DDOST: variants seen among roughly 807,000 people sequenced by gnomAD.
DDOST encodes dolichyl-diphosphooligosaccharide--protein glycosyltransferase 48 kDa subunit.
In DDOST, 25 loss-of-function variants were observed where a neutral mutation model predicts 47.6. The ratio of observed to expected loss-of-function variants is 0.53; its 90% CI spans 0.38 to 0.73. The LOEUF (loss-of-function observed/expected upper bound fraction) is 0.73, where lower values mean the gene tolerates loss of function less well. Ranked by LOEUF, DDOST falls within the 30% of genes least tolerant of loss-of-function variation. The probability of loss-of-function intolerance (pLI) is 0.00; values close to 1 mark genes in which losing one functional copy is unlikely to be tolerated. For missense variants in DDOST, 526 were observed against 573.9 expected (o/e 0.92, Z 0.85); for synonymous variants, 275 against 236.0 (o/e 1.17, Z -1.51).
rs775410757 is a variant in DDOST, at chr1:20,652,631, G to A, written c.1160C>T (p.Ser387Phe). 3 of 1,614,118 alleles carry A rather than the reference G, an allele frequency of 1.9e-6. No individual in the cohort carries two copies. Among genetic ancestry groups the A allele is most frequent in the South Asian group, 2.2e-5 (2 of 91,088 alleles). ...YNRLGYTHLY[S>F]STQVSVRPLQ... ...GTCACCTGTGCTTACCTGAGTGGAA[G>A]AGTACAGGTGTGTGTAGCCTAGCCG... Residue 387 changes from serine to phenylalanine, a missense_variant, in exon 10 of 11, where the codon TCT becomes TTT. Coordinates refer to ENST00000602624, the MANE Select transcript of DDOST (RefSeq NM_005216.5).
intron 2 of DDOST, among the ~76,000 whole-genome samples, chr1:20,658,686 C>G (rs1348228113): frequency 1.3e-5 from 2 of 152,200 alleles, no homozygotes; most frequent in East Asian, 3.9e-4. Flanking sequence ...GGTTCAAAGC[C>G]TTCGGCAGGC....
Position 20,652,635 on chromosome 1 carries a change from A to G in DDOST, c.1156T>C (p.Tyr386His). Reference sequence around the variant, plus strand: ...CCTGTGCTTACCTGAGTGGAAGAGTACAGGTGTGTGTAGCCTAGCCGGTTG... The same window carrying G: ...CCTGTGCTTACCTGAGTGGAAGAGTGCAGGTGTGTGTAGCCTAGCCGGTTG... ...DYNRLGYTHL[Y>H]SSTQVSVRPL... The change falls in exon 10 of 11, where the codon TAC (tyrosine) becomes CAC (histidine). Residue 386 changes from tyrosine to histidine, a missense_variant. Coordinates refer to ENST00000602624, the MANE Select transcript of DDOST (RefSeq NM_005216.5). 1 of 1,614,220 alleles carries G rather than the reference A, an allele frequency of 6.2e-7. No homozygotes were observed. The highest frequency in any genetic ancestry group is 1.1e-5 in the South Asian group (1 of 91,092).
chr1:20,661,025 G>A (rs752956398), intron 1 of DDOST, 34 bp from the exon 2 acceptor site: 9 of 1,535,778 alleles, frequency 5.9e-6, no homozygotes, highest in Non-Finnish European at 8.1e-6. Context: ...TGAGGAAGAC[G>A]GGACGCGAAG....
intron 3 of DDOST, 140 bp from the exon 4 acceptor site, chr1:20,655,919 C>G: frequency 1.2e-6 from 1 of 827,884 alleles, no homozygotes. Flanking sequence ...CCAGATGGAC[C>G]CCTGGACAGC....
intron 8 of DDOST, among the ~76,000 whole-genome samples, chr1:20,653,303 T>C (rs74057893): frequency 3.8e-3 from 583 of 152,334 alleles, no homozygotes; most frequent in African/African-American, 0.013. Context: ...CCATATTCGC[T>C]TTCTCTTGCC....
At position 20,655,480 on chromosome 1, in the gene DDOST, C is replaced by A; in HGVS notation, c.511G>T (p.Gly171Trp). The change falls in exon 5 of 11, where the codon GGG (glycine) becomes TGG (tryptophan). Residue 171 changes from glycine (G) to tryptophan (W), a missense_variant. Gly to Trp is a radical substitution (Grantham distance 184). Transcript: ENST00000602624. ...AGGATGGGATTTAGAGATGATTTCC[C>A]AACGATGGTTGGGGCCTTCAGCAGG... ...ENLLKAPTIV[G>W]KSSLNPILFR... 1 of 1,614,120 alleles carries A rather than the reference C, an allele frequency of 6.2e-7. No homozygotes were observed. Among genetic ancestry groups the A allele is most frequent in the Non-Finnish European group, 8.5e-7 (1 of 1,179,990 alleles).
chr1:20,654,682 A>G lies in DDOST; in HGVS notation c.577T>C (p.Leu193=). ...GAGCCCGTCAGGATGTCCAGCACCA[A>G]AGGGTTATCAGGATCGGCCACCATC... is the stretch of plus-strand genomic sequence containing the variant. ...VGMVADPDNP[L]VLDILTGSST... The change falls in exon 6 of 11, where the codon TTG becomes CTG. Residue 193 remains leucine (L), a synonymous_variant. Transcript: ENST00000602624. The G allele has an allele frequency of 6.4e-7, 1 of 1,560,540 alleles. No individual in the cohort carries two copies. Among genetic ancestry groups the G allele is most frequent in the Non-Finnish European group, 8.7e-7 (1 of 1,151,226 alleles).
At chr1:20,657,374 G>A (rs1454118793) in intron 2 of DDOST, among the ~76,000 whole-genome samples, 3 of 152,188 alleles carry the variant, frequency 2.0e-5, no homozygotes, top group African/African-American at 7.2e-5. Context: ...TCCTGGCAGC[G>A]GGGTAGAGAC....
Position 20,651,851 on chromosome 1 carries a change from G to GTCT in DDOST, c.*525_*527dup, listed in dbSNP as rs1162216918. The GTCT allele has an allele frequency of 3.0e-5, 4 of 134,096 alleles. No homozygotes were observed. Among genetic ancestry groups the GTCT allele is most frequent in the Admixed American group, 7.4e-5 (1 of 13,524 alleles). The allele number at this position is 134,096 out of a possible 1,614,324, so 8.3% of individuals were successfully genotyped here. A position where few individuals can be genotyped will look rare whatever the true frequency, so the allele number is the denominator to read the frequency against. ...TTTATTTATTTATATTTGAGACAGAGTCTTAACACTGTTGCCCAGGCTGGA... is the reference window on the plus strand; with the variant it reads ...TTTATTTATTTATATTTGAGACAGAGTCTTCTTAACACTGTTGCCCAGGCTGGA... On this transcript the variant is annotated 3_prime_UTR_variant, in exon 11 of 11. Transcript: ENST00000602624.
At chr1:20,659,287 T>G (rs921163024) in intron 2 of DDOST, among the ~76,000 whole-genome samples, 6 of 152,058 alleles carry the variant, frequency 3.9e-5, no homozygotes, top group African/African-American at 1.4e-4. Flanking sequence ...GGAAACACTG[T>G]TTTACACTCT....
intron 3 of DDOST, 23 bp downstream of exon 3, chr1:20,656,078 A>G (rs2154534296): frequency 6.3e-7 from 1 of 1,598,136 alleles, no homozygotes; most frequent in East Asian, 2.2e-5. Context: ...GGAAAGCACC[A>G]GAACCTCCCA....
In DDOST at chr1:20,661,342, G is replaced by A; in HGVS notation, c.9C>T (p.Pro3=). 3 of 1,613,172 alleles carry A rather than the reference G, an allele frequency of 1.9e-6. No individual in the cohort carries two copies. The highest frequency in any genetic ancestry group is 1.1e-5 in the South Asian group (1 of 91,050). The change falls in exon 1 of 11, where the codon CCC becomes CCT. Residue 3 remains proline (P), a synonymous_variant. Coordinates refer to ENST00000602624, the MANE Select transcript of DDOST (RefSeq NM_005216.5). The stretch of plus-strand genomic sequence containing the variant: ...GGGCCCAAGCCCGGGCCGCGGTGCT[G>A]GGCTCCATCTTCCTCCTCCTGCCGA... The part of the protein sequence containing the change: ME[P]STAARAWALF...
intron 7 of DDOST, 96 bp downstream of exon 7, chr1:20,654,125 CTT>C (rs2154534231): frequency 7.1e-7 from 1 of 1,400,456 alleles, no homozygotes; most frequent in East Asian, 2.5e-5. Context: ...GCCTCTGACA[CTT>C]TTAGCTAAAA....
intron 6 of DDOST, 103 bp from the exon 7 acceptor site, chr1:20,654,474 C>T (rs1222584404): frequency 2.1e-6 from 3 of 1,445,018 alleles, no homozygotes; most frequent in East Asian, 2.5e-5. Flanking sequence ...ACGACCCTGG[C>T]CCTACCTGAA....
intron 7 of DDOST, 43 bp from the exon 8 acceptor site, chr1:20,653,817 T>C (rs767153550): frequency 9.4e-6 from 15 of 1,592,774 alleles, no homozygotes; most frequent in Admixed American, 1.7e-5. Context: ...CAGAGCCACC[T>C]TTCCAGTGGT....
At chr1:20,657,893 G>A (rs1296963640) in intron 2 of DDOST, among the ~76,000 whole-genome samples, 1 of 152,162 alleles carries the variant, frequency 6.6e-6, no homozygotes, top group East Asian at 1.9e-4. Context: ...GCAGTGGTTT[G>A]CAATCTTGGC....
intron 2 of DDOST, among the ~76,000 whole-genome samples, chr1:20,658,269 C>T (rs768778235): frequency 6.6e-6 from 1 of 152,222 alleles, no homozygotes; most frequent in Non-Finnish European, 1.5e-5. Context: ...GGGAGCCTTC[C>T]GATGCCAGAG....
intron 2 of DDOST, 83 bp from the exon 3 acceptor site, chr1:20,656,270 C>G (rs1570416139): frequency 9.3e-7 from 1 of 1,075,948 alleles, no homozygotes; most frequent in Non-Finnish European, 1.4e-6. Context: ...ACATGAAGGG[C>G]AGAGCAGCCA....
At chr1:20,653,010 C>G (rs746980641) in intron 8 of DDOST, 39 bp from the exon 9 acceptor site, 1 of 1,611,022 alleles carries the variant, frequency 6.2e-7, no homozygotes, top group Non-Finnish European at 8.5e-7. Flanking sequence ...CTGGCCATGA[C>G]TGGAGGCCTT....
Sources: gnomAD v4.1 joint callset for allele counts (sites outside exome capture counted in the v4.1 genomes callset) on GRCh38, gnomAD v4.1.1 for gene constraint, MANE v1.5 for transcripts, NCBI Gene and HGNC (gene_info 2026-07-23, HGNC 2026-07-21) for gene names.